ACCSL: variants seen among roughly 807,000 people sequenced by gnomAD.
ACCSL encodes the protein 1-aminocyclopropane-1-carboxylate synthase homolog (inactive) like, also known as probable inactive 1-aminocyclopropane-1-carboxylate synthase-like protein 2.
In ACCSL, 55 loss-of-function variants were observed where a neutral mutation model predicts 61.7. The ratio of observed to expected loss-of-function variants is 0.89; its 90% CI spans 0.72 to 1.12. The LOEUF (loss-of-function observed/expected upper bound fraction) is 1.12. Among genes scored for constraint, ACCSL ranks in the 50% most tolerant of loss-of-function variants. The pLI is 0.00. For missense variants in ACCSL, 632 were observed against 698.0 expected (o/e 0.91, Z 1.07); for synonymous variants, 258 against 264.3 (o/e 0.98, Z 0.23).
At chr11:44,007,663 G>A in the ACCSL span, among the ~76,000 whole-genome samples, 2 of 152,174 alleles carry the variant, frequency 1.3e-5, no homozygotes, top group Non-Finnish European at 2.9e-5. Context: ...CTCTATATGT[G>A]TGACCTTGGG....
the ACCSL span, among the ~76,000 whole-genome samples, chr11:44,030,885 A>G: frequency 6.6e-6 from 1 of 152,178 alleles, no homozygotes; most frequent in African/African-American, 2.4e-5. Context: ...CTCTATGCTT[A>G]CAATGCTCTT....
the ACCSL span, among the ~76,000 whole-genome samples, chr11:43,978,269 C>CA: frequency 6.6e-6 from 1 of 152,060 alleles, no homozygotes; most frequent in African/African-American, 2.4e-5. Context: ...TTTGGCCTCC[C>CA]AAAGTGCTGG....
the ACCSL span, among the ~76,000 whole-genome samples, chr11:43,987,152 C>A: frequency 1.3e-5 from 2 of 152,206 alleles, no homozygotes; most frequent in Non-Finnish European, 2.9e-5. Context: ...TGTAGGGACA[C>A]GCCCATCAGG....
intron 7 of ACCSL, 128 bp downstream of exon 7, chr11:44,053,196 G>A: frequency 1.1e-6 from 1 of 896,456 alleles, no homozygotes; most frequent in South Asian, 1.6e-5. Flanking sequence ...GACAGTAAAT[G>A]ATCCAGGGGT....
chr11:44,022,482 G>A, the ACCSL span, among the ~76,000 whole-genome samples: 82,967 of 151,886 alleles, frequency 0.55, 22,975 homozygotes, highest in Admixed American at 0.6. Context: ...GAAACTTTAC[G>A]GAATTCATTT....
At chr11:43,942,768 G>A in the ACCSL span, 1 of 304,730 alleles carries the variant, frequency 3.3e-6, no homozygotes, top group Non-Finnish European at 4.6e-6. Context: ...CGCGAGGGCC[G>A]CCGCCACCCC....
the ACCSL span, among the ~76,000 whole-genome samples, chr11:44,031,870 C>G: frequency 3.9e-5 from 6 of 152,064 alleles, no homozygotes; most frequent in East Asian, 1.2e-3. Context: ...CGGGGGCTGT[C>G]AGTCAATTAA....
At chr11:44,023,627 G>GGT in the ACCSL span, among the ~76,000 whole-genome samples, 1 of 137,958 alleles carries the variant, frequency 7.2e-6, no homozygotes, top group East Asian at 2.1e-4. Context: ...GATTTTATCT[G>GGT]TTTTTTTTTT....
At chr11:43,933,816 C>T in the ACCSL span, among the ~76,000 whole-genome samples, 3 of 151,836 alleles carry the variant, frequency 2.0e-5, no homozygotes, top group East Asian at 2.0e-4. Flanking sequence ...CCAAGAGTCT[C>T]CCTGCCCCTG....
chr11:43,921,968 G>A, the ACCSL span, among the ~76,000 whole-genome samples: 1 of 152,118 alleles, frequency 6.6e-6, no homozygotes, highest in Non-Finnish European at 1.5e-5. Context: ...CCAGACCATG[G>A]CAAAGGGCAG....
chr11:43,998,532 A>C, the ACCSL span, among the ~76,000 whole-genome samples: 197 of 152,220 alleles, frequency 1.3e-3, 2 homozygotes, highest in African/African-American at 4.6e-3. Context: ...TCTGGTGGCC[A>C]CTGGCTCAGC....
At chr11:43,940,157 C>A in the ACCSL span, among the ~76,000 whole-genome samples, 1 of 151,822 alleles carries the variant, frequency 6.6e-6, no homozygotes, top group Non-Finnish European at 1.5e-5. Flanking sequence ...ATTATTATTA[C>A]TGTATAGAGA....
At chr11:43,970,821 G>A in the ACCSL span, among the ~76,000 whole-genome samples, 1 of 152,084 alleles carries the variant, frequency 6.6e-6, no homozygotes, top group Non-Finnish European at 1.5e-5. Flanking sequence ...TCCTGGACTC[G>A]GTCAGTGGGA....
intron 11 of ACCSL, 93 bp downstream of exon 11, chr11:44,056,419 A>G (rs778857187): frequency 1.1e-4 from 156 of 1,439,056 alleles, no homozygotes; most frequent in Middle Eastern, 4.8e-4. Flanking sequence ...TGCCCTTAAT[A>G]TACTGAGACC....
the ACCSL span, chr11:43,921,106 A>G: frequency 3.9e-5 from 6 of 152,262 alleles, no homozygotes; most frequent in East Asian, 1.9e-4. Context: ...GAGAAAGGAA[A>G]TGAATTTAAA....
Position 44,048,017 on chromosome 11 carries a change from C to T in ACCSL, c.-20C>T, listed in dbSNP as rs1952610037. 2 of 1,597,468 alleles carry T rather than the reference C, an allele frequency of 1.3e-6. No individual in the cohort carries two copies. The highest frequency in any genetic ancestry group is 2.2e-5 in the South Asian group (2 of 90,216). On this transcript the variant is annotated 5_prime_UTR_variant, in exon 1 of 14. Transcript: ENST00000378832. ...ATAGGTGCCAGGCAGCCTTCAGAGGCCAGTAAAGATACCCGGAGTATGAGT... is the reference window on the plus strand; with the variant it reads ...ATAGGTGCCAGGCAGCCTTCAGAGGTCAGTAAAGATACCCGGAGTATGAGT...
the ACCSL span, among the ~76,000 whole-genome samples, chr11:43,936,751 G>A: frequency 6.6e-6 from 1 of 152,070 alleles, no homozygotes; most frequent in Non-Finnish European, 1.5e-5. Flanking sequence ...AGGCAACGGC[G>A]GGGAGGAGTG....
chr11:44,040,788 C>G, the ACCSL span, among the ~76,000 whole-genome samples: 1 of 134,932 alleles, frequency 7.4e-6, no homozygotes, highest in Non-Finnish European at 1.5e-5. Context: ...GAGGTAGGGT[C>G]CCTCATGGAC....
At chr11:43,983,851 C>G in the ACCSL span, among the ~76,000 whole-genome samples, 2 of 152,228 alleles carry the variant, frequency 1.3e-5, no homozygotes, top group Admixed American at 6.5e-5. Flanking sequence ...CGCTGTGGCT[C>G]ACACCTATAA....
Sources: gnomAD v4.1 joint callset for allele counts (sites outside exome capture counted in the v4.1 genomes callset) on GRCh38, gnomAD v4.1.1 for gene constraint, MANE v1.5 for transcripts, NCBI Gene and HGNC (gene_info 2026-07-23, HGNC 2026-07-21) for gene names.